Variants in IGSF10 observed in about 807,000 individuals in gnomAD.
The protein encoded by IGSF10 is calvaria mechanical force protein 608.
A neutral mutation model predicts 128.2 loss-of-function variants in IGSF10; 126 were observed. The ratio of observed to expected loss-of-function variants is 0.98; its 90% CI spans 0.85 to 1.14. The LOEUF (loss-of-function observed/expected upper bound fraction) is 1.14. Among genes scored for constraint, IGSF10 ranks in the 50% most tolerant of loss-of-function variants. The pLI is 0.00. For synonymous variants in IGSF10, 1,185 were observed against 1,146.2 expected, an observed-to-expected ratio of 1.03 and a Z score of -0.68; for missense variants, 3,295 against 3,149.8, an observed-to-expected ratio of 1.05 and a Z score of -1.10.
At position 151,449,265 on chromosome 3, in the gene IGSF10, T is replaced by A. The variant is rs776522586; in HGVS notation, c.716A>T (p.Asp239Val). 1.3e-6 allele frequency: 2 copies of A among 1,562,390 alleles called. No homozygotes were observed. The highest frequency in any genetic ancestry group is 1.7e-6 in the Non-Finnish European group (2 of 1,156,516). Residue 239 changes from aspartate (D) to valine (V), a missense_variant and splice_region_variant, in exon 6 of 8, where the codon GAT becomes GTT. Asp to Val is a radical substitution (Grantham distance 152). Transcript: ENST00000282466. ...TCTATCTTTTTTGCATTTTATTACA[T>A]CTGGAAAAAAATCACAATTGAATTA... ...WLSDWIQEKPDVIKCKKDRSP... is the reference protein window; with the variant it reads ...WLSDWIQEKPVVIKCKKDRSP...
At chr3:151,498,745 A>C in the IGSF10 span, among the ~76,000 whole-genome samples, 1 of 152,150 alleles carries the variant, frequency 6.6e-6, no homozygotes, top group African/African-American at 2.4e-5. Context: ...AAGCTGAATA[A>C]GGATGTCCTG....
At chr3:151,471,968 T>G in the IGSF10 span, among the ~76,000 whole-genome samples, 1 of 152,316 alleles carries the variant, frequency 6.6e-6, no homozygotes, top group African/African-American at 2.4e-5. Context: ...AAATTTAATG[T>G]AAAGTGCAGA....
At chr3:151,597,257 C>G in the IGSF10 span, among the ~76,000 whole-genome samples, 1 of 152,278 alleles carries the variant, frequency 6.6e-6, no homozygotes, top group South Asian at 2.1e-4. Context: ...CTTCACGGGT[C>G]TTATGAATAA....
the IGSF10 span, among the ~76,000 whole-genome samples, chr3:151,531,908 A>T: frequency 2.6e-5 from 4 of 152,156 alleles, no homozygotes; most frequent in Non-Finnish European, 4.4e-5. Flanking sequence ...GGTTTTTTTT[A>T]AAAGATCAAC....
the IGSF10 span, among the ~76,000 whole-genome samples, chr3:151,484,729 C>CA: frequency 0.5 from 65,728 of 131,396 alleles, 16,710 homozygotes; most frequent in African/African-American, 0.63. Context: ...GGAAAACTGA[C>CA]AAAAAAAAAA....
In IGSF10 at chr3:151,448,476, T is replaced by G; in HGVS notation, c.1505A>C (p.Asp502Ala). ...TVGLNCPGQG[D>A]PTPHVDWLLA... The stretch of plus-strand genomic sequence containing the variant: ...AAGCCAATCCACGTGTGGGGTGGGG[T>G]CTCCTTGGCCTGGGCAGTTCAGGCC... The change falls in exon 6 of 8, where the codon GAC becomes GCC. Residue 502 changes from aspartate (D) to alanine (A), a missense_variant. Coordinates refer to ENST00000282466, the MANE Select transcript of IGSF10 (RefSeq NM_178822.5). The G allele has an allele frequency of 6.2e-7, 1 of 1,614,176 alleles. No homozygotes were observed. The highest frequency in any genetic ancestry group is 8.5e-7 in the Non-Finnish European group (1 of 1,180,034).
chr3:151,470,602 C>G, the IGSF10 span, among the ~76,000 whole-genome samples: 1 of 152,170 alleles, frequency 6.6e-6, no homozygotes, highest in African/African-American at 2.4e-5. Context: ...CCAAATTACA[C>G]TAAACCTTTC....
the IGSF10 span, among the ~76,000 whole-genome samples, chr3:151,563,120 AC>A: frequency 0.48 from 73,097 of 151,538 alleles, 17,836 homozygotes; most frequent in South Asian, 0.58. Context: ...TTTTTCTTAG[AC>A]GGTAGGTCAT....
chr3:151,577,396 A>G, the IGSF10 span, among the ~76,000 whole-genome samples: 3 of 152,070 alleles, frequency 2.0e-5, no homozygotes, highest in South Asian at 6.2e-4. Flanking sequence ...ATGCTATATA[A>G]TCCTTTTTTC....
At chr3:151,472,451 G>A in the IGSF10 span, among the ~76,000 whole-genome samples, 1 of 152,136 alleles carries the variant, frequency 6.6e-6, no homozygotes, top group South Asian at 2.1e-4. Flanking sequence ...GTTAAATAAG[G>A]TGCTACCAAT....
chr3:151,432,972 C>G (rs1363700474), downstream of IGSF10: 2 of 552,706 alleles, frequency 3.6e-6, no homozygotes, highest in Non-Finnish European at 6.2e-6. Flanking sequence ...AAACAAAAAG[C>G]CAAGGAGAAG....
At chr3:151,473,159 G>A in the IGSF10 span, among the ~76,000 whole-genome samples, 43 of 152,028 alleles carry the variant, frequency 2.8e-4, no homozygotes, top group Non-Finnish European at 4.6e-4. Flanking sequence ...TAATCCTTTC[G>A]TTTTCTGTAC....
At chr3:151,481,327 G>T in the IGSF10 span, among the ~76,000 whole-genome samples, 13 of 152,280 alleles carry the variant, frequency 8.5e-5, no homozygotes, top group African/African-American at 2.6e-4. Flanking sequence ...TCATCACTGT[G>T]TTGTTCCCTA....
At position 151,438,022 on chromosome 3, in the gene IGSF10, T is replaced by C. The variant is rs765875421; in HGVS notation, c.6539A>G (p.Asn2180Ser). Residue 2180 changes from asparagine (N) to serine (S), a missense_variant, in exon 8 of 8, where the codon AAT becomes AGT. Asn to Ser is a conservative substitution (Grantham distance 46, BLOSUM62 1). Transcript: ENST00000282466. ...ATCAATGGAGAAGGAAATCATGTCA[T>C]TGGAAGGCAGCAACCAAAATATTTT... is the stretch of plus-strand genomic sequence containing the variant. ...KPKIFWLLPSNDMISFSIDRY... is the reference protein window; with the variant it reads ...KPKIFWLLPSSDMISFSIDRY... 1.2e-6 allele frequency: 2 copies of C among 1,614,180 alleles called. No homozygotes were observed. The highest frequency in any genetic ancestry group is 1.7e-5 in the Admixed American group (1 of 60,020).
At chr3:151,497,859 G>C in the IGSF10 span, among the ~76,000 whole-genome samples, 1 of 152,122 alleles carries the variant, frequency 6.6e-6, no homozygotes, top group Non-Finnish European at 1.5e-5. Flanking sequence ...TCGCTGAGCA[G>C]TGGTTTGTAG....
chr3:151,605,233 C>T, the IGSF10 span, among the ~76,000 whole-genome samples: 3 of 150,050 alleles, frequency 2.0e-5, no homozygotes, highest in African/African-American at 7.4e-5. Flanking sequence ...TGAATGACCA[C>T]AAAATCTCTG....
the IGSF10 span, among the ~76,000 whole-genome samples, chr3:151,540,554 A>C: frequency 6.6e-6 from 1 of 152,176 alleles, no homozygotes; most frequent in Non-Finnish European, 1.5e-5. Flanking sequence ...AGCCTGTGAG[A>C]AGTTGACAGT....
At chr3:151,611,333 T>G in the IGSF10 span, among the ~76,000 whole-genome samples, 1 of 152,218 alleles carries the variant, frequency 6.6e-6, no homozygotes, top group African/African-American at 2.4e-5. Context: ...CTTAAAGTAC[T>G]AATCTATGGC....
At chr3:151,504,127 G>A in the IGSF10 span, among the ~76,000 whole-genome samples, 1 of 152,132 alleles carries the variant, frequency 6.6e-6, no homozygotes, top group East Asian at 1.9e-4. Flanking sequence ...CAGGCAAGAA[G>A]AAGGGGCTTT....
Sources: allele counts gnomAD v4.1 joint callset (sites outside exome capture counted in the v4.1 genomes callset), GRCh38; gene constraint gnomAD v4.1.1; transcripts MANE v1.5; gene names NCBI Gene and HGNC (gene_info 2026-07-23, HGNC 2026-07-21).